Variants in SYCP1 observed in about 807,000 individuals in gnomAD.
The protein encoded by SYCP1 is cancer/testis antigen 8.
In SYCP1, 64 loss-of-function variants were observed where a neutral mutation model predicts 153.1. The ratio of observed to expected loss-of-function variants is 0.42; its 90% CI spans 0.34 to 0.51. SYCP1 has a LOEUF of 0.51. SYCP1 is among the 20% of genes least tolerant of loss of function. SYCP1 has a pLI of 0.06. For missense variants in SYCP1, 997 were observed against 1,049.0 expected, an observed-to-expected ratio of 0.95 and a Z score of 0.68; for synonymous variants, 384 against 341.8, an observed-to-expected ratio of 1.12 and a Z score of -1.36.
intron 27 of SYCP1, among the ~76,000 whole-genome samples, chr1:114,960,388 G>T (rs1345703993): frequency 6.6e-6 from 1 of 151,986 alleles, no homozygotes; most frequent in Non-Finnish European, 1.5e-5. Context: ...GGCTTGTCTC[G>T]AACTCCTGAC....
At chr1:114,935,183 A>G (rs968230618) in intron 23 of SYCP1, among the ~76,000 whole-genome samples, 3 of 152,230 alleles carry the variant, frequency 2.0e-5, no homozygotes, top group Non-Finnish European at 4.4e-5. Flanking sequence ...CAAATGTAAA[A>G]GAACAGAAAT....
chr1:114,856,055 A>G (rs2101241471), intron 2 of SYCP1, among the ~76,000 whole-genome samples: 1 of 152,332 alleles, frequency 6.6e-6, no homozygotes, highest in South Asian at 2.1e-4. Context: ...GATAGGAGGA[A>G]TTATACCAAG....
At chr1:114,944,513 G>T (rs1670569007) in intron 24 of SYCP1, 58 bp downstream of exon 24, 3 of 1,031,528 alleles carry the variant, frequency 2.9e-6, no homozygotes, top group Admixed American at 2.8e-5. Context: ...ATTTTTATTA[G>T]GATTTTAAGA....
intron 30 of SYCP1, among the ~76,000 whole-genome samples, chr1:114,993,741 C>A (rs894246393): frequency 6.6e-6 from 1 of 151,372 alleles, no homozygotes; most frequent in Non-Finnish European, 1.5e-5. Context: ...ACACATAAAA[C>A]TTACCATCTT....
chr1:114,992,356 A>G (rs1673981264), intron 30 of SYCP1, among the ~76,000 whole-genome samples: 1 of 151,788 alleles, frequency 6.6e-6, no homozygotes. Flanking sequence ...TTGAAAAATA[A>G]GGATAGAGTT....
chr1:114,902,169 G>C (rs776396660), intron 16 of SYCP1, among the ~76,000 whole-genome samples: 2 of 152,130 alleles, frequency 1.3e-5, no homozygotes, highest in African/African-American at 4.8e-5. Flanking sequence ...CCATGGAAAG[G>C]CTGGGTTGGA....
intron 27 of SYCP1, among the ~76,000 whole-genome samples, 183 bp from the exon 28 acceptor site, chr1:114,977,374 C>G (rs930473288): frequency 6.6e-6 from 1 of 151,636 alleles, no homozygotes; most frequent in Non-Finnish European, 1.5e-5. Flanking sequence ...AAGAGATAAT[C>G]AAAACCAAAT....
At chr1:114,886,438 C>T (rs1666312156) in intron 14 of SYCP1, 129 bp downstream of exon 14, 1 of 739,314 alleles carries the variant, frequency 1.4e-6, no homozygotes, top group Non-Finnish European at 1.9e-6. Flanking sequence ...AGTCAGGTCT[C>T]ATGTATAAAG....
intron 23 of SYCP1, among the ~76,000 whole-genome samples, chr1:114,942,618 C>T (rs992940207): frequency 4.0e-5 from 6 of 151,850 alleles, no homozygotes; most frequent in Non-Finnish European, 8.8e-5. Context: ...AGTGCTAGAA[C>T]ATTTGACTAT....
At chr1:114,949,097 A>G (rs141445507) in intron 27 of SYCP1, among the ~76,000 whole-genome samples, 2 of 152,308 alleles carry the variant, frequency 1.3e-5, no homozygotes, top group African/African-American at 4.8e-5. Context: ...CCTGAGGCTC[A>G]GCTCCTGTCA....
chr1:114,928,115 C>T (rs1669377124), intron 23 of SYCP1, among the ~76,000 whole-genome samples: 1 of 152,096 alleles, frequency 6.6e-6, no homozygotes. Flanking sequence ...GTGACTGTGC[C>T]TGACCTGGGC....
At chr1:114,907,421 T>C (rs142325563) in intron 16 of SYCP1, among the ~76,000 whole-genome samples, 17 of 152,274 alleles carry the variant, frequency 1.1e-4, no homozygotes, top group African/African-American at 4.1e-4. Flanking sequence ...TTCTTTTGGG[T>C]TATTTGAATA....
At chr1:114,878,818 C>T (rs190934950) in intron 12 of SYCP1, among the ~76,000 whole-genome samples, 62 of 152,312 alleles carry the variant, frequency 4.1e-4, no homozygotes, top group African/African-American at 1.4e-3. Flanking sequence ...TCTGGGATTA[C>T]GGGCGTGAGC....
intron 15 of SYCP1, among the ~76,000 whole-genome samples, chr1:114,889,952 T>A (rs1427957178): frequency 6.6e-6 from 1 of 152,184 alleles, no homozygotes; most frequent in African/African-American, 2.4e-5. Context: ...TTTCTTAAAA[T>A]GTCTTTAATG....
chr1:114,875,654 A>G (rs2101464030), intron 9 of SYCP1, among the ~76,000 whole-genome samples: 1 of 152,308 alleles, frequency 6.6e-6, no homozygotes, highest in East Asian at 1.9e-4. Context: ...TTTACAAAGC[A>G]AGATTTGTTG....
At chr1:114,870,029 T>G (rs563136271) in intron 8 of SYCP1, among the ~76,000 whole-genome samples, 5 of 152,154 alleles carry the variant, frequency 3.3e-5, no homozygotes, top group Non-Finnish European at 5.9e-5. Flanking sequence ...TTATTTATTT[T>G]TTGAGACAGG....
intron 4 of SYCP1, 55 bp downstream of exon 4, chr1:114,857,330 T>C: frequency 6.4e-7 from 1 of 1,565,994 alleles, no homozygotes; most frequent in Non-Finnish European, 8.7e-7. Context: ...GAACTGCTTA[T>C]TTGAAGACGA....
chr1:114,904,792 G>C lies in SYCP1; in HGVS notation c.1321-5605G>C, dbSNP rs181912854. ...TAAATCTTTGATATCCTGATCTTAA[G>C]AGAAAAACATTCAGTGTTTTACCAT... is the stretch of plus-strand genomic sequence containing the variant. On this transcript the variant is annotated intron_variant, in intron 16 of 31. Transcript: ENST00000369522. Among the ~76,000 whole-genome samples the C allele has an allele frequency of 2.0e-5, 3 of 152,296 alleles. No individual in the cohort carries two copies. The East Asian group carries it at 5.8e-4, about 29-fold the overall frequency.
At chr1:114,923,115 T>G (rs151026606) in intron 20 of SYCP1, among the ~76,000 whole-genome samples, 1 of 152,348 alleles carries the variant, frequency 6.6e-6, no homozygotes, top group East Asian at 1.9e-4. Context: ...GTTTCTCTTT[T>G]TTAAAACTAT....
Sources: gnomAD v4.1 joint callset for allele counts (sites outside exome capture counted in the v4.1 genomes callset) on GRCh38, gnomAD v4.1.1 for gene constraint, MANE v1.5 for transcripts, NCBI Gene and HGNC (gene_info 2026-07-23, HGNC 2026-07-21) for gene names.